Variants in TRPC6 observed in about 807,000 individuals in gnomAD.
TRPC6 encodes the protein short transient receptor potential channel 6.
Under a neutral mutation model 90.7 loss-of-function variants are expected in TRPC6, and 55 were observed. The observed-to-expected ratio is 0.61, with a 90% confidence interval of 0.49 to 0.76. The LOEUF (loss-of-function observed/expected upper bound fraction) is 0.76, where lower values mean the gene tolerates loss of function less well. Among genes scored for constraint, TRPC6 ranks in the 30% least tolerant of loss-of-function variants. TRPC6 has a pLI of 0.00. For missense variants in TRPC6, 989 were observed against 1,122.7 expected (o/e 0.88, Z 1.70); for synonymous variants, 393 against 393.0 (o/e 1.00, Z 0.00).
At chr11:101,456,984 A>G (rs2136642147) in intron 10 of TRPC6, among the ~76,000 whole-genome samples, 1 of 152,298 alleles carries the variant, frequency 6.6e-6, no homozygotes, top group East Asian at 1.9e-4. Context: ...GCAAGGAAGT[A>G]TTATTACCAC....
chr11:101,564,902 A>G (rs968448682), intron 1 of TRPC6, among the ~76,000 whole-genome samples: 3 of 152,164 alleles, frequency 2.0e-5, no homozygotes, highest in Non-Finnish European at 2.9e-5. Flanking sequence ...CAGAGAGCCC[A>G]TAAATAAACC....
intron 1 of TRPC6, among the ~76,000 whole-genome samples, chr11:101,562,558 C>T (rs1591139720): frequency 6.6e-6 from 1 of 152,050 alleles, no homozygotes; most frequent in Non-Finnish European, 1.5e-5. Flanking sequence ...TTAAATTTTG[C>T]TCTACAGACC....
chr11:101,581,709 T>C (rs1242910254), intron 1 of TRPC6, among the ~76,000 whole-genome samples: 1 of 152,230 alleles, frequency 6.6e-6, no homozygotes, highest in Non-Finnish European at 1.5e-5. Flanking sequence ...ATCCAAGATT[T>C]ATTTATTTTT....
chr11:101,505,877 G>A (rs1860249930), intron 1 of TRPC6, among the ~76,000 whole-genome samples: 2 of 151,996 alleles, frequency 1.3e-5, no homozygotes, highest in African/African-American at 2.4e-5. Flanking sequence ...GTGGTGCATG[G>A]TGGCACATGC....
chr11:101,555,628 G>A (rs1369987210), intron 1 of TRPC6, among the ~76,000 whole-genome samples: 1 of 152,142 alleles, frequency 6.6e-6, no homozygotes, highest in Non-Finnish European at 1.5e-5. Flanking sequence ...TTTATTTTTA[G>A]ATGAACATGG....
chr11:101,558,740 G>C (rs938244971), intron 1 of TRPC6, among the ~76,000 whole-genome samples: 1 of 151,998 alleles, frequency 6.6e-6, no homozygotes, highest in South Asian at 2.1e-4. Flanking sequence ...TTTGACAAAG[G>C]TGCCAAGAAT....
intron 2 of TRPC6, among the ~76,000 whole-genome samples, chr11:101,493,965 A>T (rs971990206): frequency 5.9e-5 from 9 of 152,216 alleles, no homozygotes; most frequent in African/African-American, 2.2e-4. Context: ...GCTAAACTGC[A>T]GGTCCAAAAA....
chr11:101,547,394 A>G (rs1861331502), intron 1 of TRPC6, among the ~76,000 whole-genome samples: 1 of 152,202 alleles, frequency 6.6e-6, no homozygotes, highest in Non-Finnish European at 1.5e-5. Context: ...AAGCATCTCA[A>G]GTACTCTAAA....
chr11:101,564,070 GAAAA>G (rs909473826), intron 1 of TRPC6, among the ~76,000 whole-genome samples: 17 of 126,498 alleles, frequency 1.3e-4, no homozygotes, highest in African/African-American at 4.7e-4. Context: ...AGTTCGTAAA[GAAAA>G]AAAAAAAAAG....
intron 1 of TRPC6, among the ~76,000 whole-genome samples, chr11:101,570,667 A>C (rs960088050): frequency 1.1e-4 from 16 of 152,242 alleles, no homozygotes; most frequent in Non-Finnish European, 1.6e-4. Context: ...CAAAAAGCTT[A>C]TCCACTATGA....
At chr11:101,545,664 G>T (rs1861286469) in intron 1 of TRPC6, among the ~76,000 whole-genome samples, 1 of 152,122 alleles carries the variant, frequency 6.6e-6, no homozygotes, top group African/African-American at 2.4e-5. Flanking sequence ...CACTCATCTG[G>T]ATTCAGCCTT....
At chr11:101,538,687 G>A (rs1463594305) in intron 1 of TRPC6, among the ~76,000 whole-genome samples, 2 of 152,208 alleles carry the variant, frequency 1.3e-5, no homozygotes, top group Non-Finnish European at 2.9e-5. Flanking sequence ...ACTGAAGGCA[G>A]GAGACGTAAG....
chr11:101,476,316 T>C lies in TRPC6; in HGVS notation c.1729A>G (p.Lys577Glu). 1 of 1,614,046 alleles carries C rather than the reference T, an allele frequency of 6.2e-7. No homozygotes were observed. Among genetic ancestry groups the C allele is most frequent in the Non-Finnish European group, 8.5e-7 (1 of 1,179,940 alleles). The change falls in exon 6 of 13, where the codon AAA (lysine) becomes GAA (glutamate). Residue 577 changes from lysine (K) to glutamate (E), a missense_variant. Physicochemically the swap from Lys to Glu is moderately conservative, Grantham distance 56. This residue lies in a region of TRPC6 where 486 missense variants were observed against 591.9 expected (regional missense o/e 0.82). Coordinates refer to ENST00000344327, the MANE Select transcript of TRPC6 (RefSeq NM_004621.6). ...LTKVTLGDNV[K>E]YYNLARIKWD... ...GTAAACTCACCCAAATTGTAGTATT[T>C]CACATTGTCTCCCAATGTTACTTTC... is the stretch of plus-strand genomic sequence containing the variant.
At chr11:101,559,114 A>T (rs1304577257) in intron 1 of TRPC6, among the ~76,000 whole-genome samples, 1 of 152,180 alleles carries the variant, frequency 6.6e-6, no homozygotes, top group African/African-American at 2.4e-5. Context: ...CAAGCCATAT[A>T]TATAAGGGGT....
chr11:101,507,406 C>A (rs1860300529), intron 1 of TRPC6, among the ~76,000 whole-genome samples: 1 of 151,586 alleles, frequency 6.6e-6, no homozygotes, highest in African/African-American at 2.4e-5. Context: ...CTCTTTGAAT[C>A]TTCCTTTGGT....
intron 10 of TRPC6, among the ~76,000 whole-genome samples, chr11:101,459,581 T>A (rs912873288): frequency 5.3e-5 from 8 of 152,212 alleles, no homozygotes; most frequent in Non-Finnish European, 5.9e-5. Context: ...ATTTTGCTGA[T>A]GGTTAAATTT....
chr11:101,559,351 A>G (rs1861660146), intron 1 of TRPC6, among the ~76,000 whole-genome samples: 1 of 152,212 alleles, frequency 6.6e-6, no homozygotes, highest in Admixed American at 6.5e-5. Context: ...TTTATACCCC[A>G]TAAAATTAGA....
intron 1 of TRPC6, among the ~76,000 whole-genome samples, chr11:101,537,002 C>G (rs1195737128): frequency 6.6e-6 from 1 of 152,124 alleles, no homozygotes; most frequent in Admixed American, 6.5e-5. Flanking sequence ...TACAGACTGG[C>G]TGTGAGCAAA....
At chr11:101,453,211 AT>A in intron 12 of TRPC6, 105 bp from the exon 13 acceptor site, 3 of 1,153,996 alleles carry the variant, frequency 2.6e-6, no homozygotes, top group Non-Finnish European at 2.6e-6. Flanking sequence ...ACACAATTTT[AT>A]TTTGAATCCT....
Sources: allele counts gnomAD v4.1 joint callset (sites outside exome capture counted in the v4.1 genomes callset), GRCh38; gene constraint gnomAD v4.1.1; regional missense constraint gnomAD v4.1.1; transcripts MANE v1.5; gene names NCBI Gene and HGNC (gene_info 2026-07-23, HGNC 2026-07-21).